The following PKNOX2 variants were observed in gnomAD, a reference collection of about 807,000 sequenced individuals.
The protein encoded by PKNOX2 is homeobox protein PKNOX2.
In PKNOX2, 14 loss-of-function variants were observed where a neutral mutation model predicts 53.1. The observed-to-expected ratio is 0.26, with a 90% CI of 0.17 to 0.41. PKNOX2 has a LOEUF of 0.41. PKNOX2 is among the 10% of genes least tolerant of loss of function. PKNOX2 has a pLI of 1.00. For synonymous variants in PKNOX2, 257 were observed against 242.8 expected (o/e 1.06, Z -0.54); for missense variants, 496 against 602.8 (o/e 0.82, Z 1.85).
intron 10 of PKNOX2, among the ~76,000 whole-genome samples, chr11:125,416,963 G>A (rs1393932246): frequency 6.6e-6 from 1 of 152,054 alleles, no homozygotes; most frequent in African/African-American, 2.4e-5. Flanking sequence ...TGAAATCCCA[G>A]AGCCTTTTTG....
intron 2 of PKNOX2, among the ~76,000 whole-genome samples, chr11:125,257,147 T>G (rs79360546): frequency 6.6e-6 from 1 of 152,194 alleles, no homozygotes; most frequent in East Asian, 1.9e-4. Flanking sequence ...AATTCCTGAT[T>G]TGGGGACTGT....
intron 1 of PKNOX2, among the ~76,000 whole-genome samples, chr11:125,207,986 AATG>A (rs1939346374): frequency 2.6e-5 from 4 of 152,136 alleles, no homozygotes; most frequent in Admixed American, 2.6e-4. Context: ...GGAATTCTGT[AATG>A]AATGTGTCTA....
At chr11:125,176,015 G>A (rs1162234210) in intron 1 of PKNOX2, among the ~76,000 whole-genome samples, 2 of 152,194 alleles carry the variant, frequency 1.3e-5, no homozygotes, top group Non-Finnish European at 2.9e-5. Flanking sequence ...ACAGCGTGAT[G>A]ACAGCCATGT....
intron 5 of PKNOX2, among the ~76,000 whole-genome samples, chr11:125,382,088 C>T (rs920462721): frequency 2.6e-5 from 4 of 152,220 alleles, no homozygotes; most frequent in African/African-American, 4.8e-5. Context: ...ACACAGAACA[C>T]ACCATCCCTG....
chr11:125,178,993 C>T (rs1955989893), intron 1 of PKNOX2, among the ~76,000 whole-genome samples: 1 of 152,098 alleles, frequency 6.6e-6, no homozygotes, highest in South Asian at 2.1e-4. Context: ...TCGGATGGCG[C>T]AGGTCCTTCC....
intron 7 of PKNOX2, 78 bp from the exon 8 acceptor site, chr11:125,410,117 AG>A (rs1459246483): frequency 3.9e-6 from 6 of 1,525,604 alleles, no homozygotes; most frequent in Non-Finnish European, 5.3e-6. Flanking sequence ...GGAAGGGGAA[AG>A]GACGGAAGAG....
chr11:125,300,166 TC>T (rs1231989240), intron 2 of PKNOX2, among the ~76,000 whole-genome samples: 1 of 152,182 alleles, frequency 6.6e-6, no homozygotes, highest in Non-Finnish European at 1.5e-5. Context: ...TGGAGTGGCT[TC>T]TTTGGAGAGT....
In PKNOX2 at chr11:125,385,643, T is replaced by G. The variant is rs1221054680; in HGVS notation, c.320T>G (p.Val107Gly). The G allele has an allele frequency of 6.2e-7, 1 of 1,614,068 alleles. No homozygotes were observed. The highest frequency in any genetic ancestry group is 8.5e-7 in the Non-Finnish European group (1 of 1,180,002). The change falls in exon 6 of 13, where the codon GTG (valine) becomes GGG (glycine). Residue 107 changes from valine to glycine, a missense_variant. Coordinates refer to ENST00000298282, the MANE Select transcript of PKNOX2 (RefSeq NM_001382323.2). ...TGCATCACCTCCGCCAGCTTTGATG[T>G]GGACATCGAGAACTTTGTCCACCAG... ...SECITSASFD[V>G]DIENFVHQQE... is the part of the protein sequence containing the mutation.
At chr11:125,265,477 G>A (rs553319511) in intron 2 of PKNOX2, among the ~76,000 whole-genome samples, 4 of 152,208 alleles carry the variant, frequency 2.6e-5, no homozygotes, top group South Asian at 2.1e-4. Flanking sequence ...GGATGCTCAC[G>A]CCAATTCCTG....
At position 125,419,668 on chromosome 11, in the gene PKNOX2, G is replaced by A. The variant is rs1956069906; in HGVS notation, c.936+7803G>A. ...AGCAATGACTATGAAAGGCTGTGAG[G>A]CCATCATTTACTCACAGATTAGTAC... On this transcript the variant is annotated intron_variant, in intron 10 of 12. Transcript: ENST00000298282. Among the ~76,000 whole-genome samples, 5 of 151,646 alleles carry A rather than the reference G, an allele frequency of 3.3e-5. 1 individual carries two copies. In the South Asian group the frequency reaches 1.0e-3, roughly 31 times the overall value.
chr11:125,408,407 C>A (rs981519620), intron 7 of PKNOX2, among the ~76,000 whole-genome samples: 1 of 152,234 alleles, frequency 6.6e-6, no homozygotes, highest in African/African-American at 2.4e-5. Context: ...CCTCTGTTCC[C>A]CAAGGTCACA....
intron 6 of PKNOX2, among the ~76,000 whole-genome samples, chr11:125,393,138 C>T (rs1310154357): frequency 2.2e-5 from 3 of 135,600 alleles, no homozygotes; most frequent in Non-Finnish European, 4.6e-5. Flanking sequence ...CCAGCCTGGG[C>T]GACAGAGCAA....
At chr11:125,295,502 G>A (rs1025078298) in intron 2 of PKNOX2, among the ~76,000 whole-genome samples, 3 of 152,262 alleles carry the variant, frequency 2.0e-5, no homozygotes, top group African/African-American at 7.2e-5. Context: ...CAGAGCCAGA[G>A]AGCAGAGTGA....
intron 1 of PKNOX2, among the ~76,000 whole-genome samples, chr11:125,227,367 A>C (rs1477026628): frequency 2.0e-5 from 3 of 151,906 alleles, no homozygotes; most frequent in Admixed American, 1.3e-4. Context: ...GTAAGCAACA[A>C]CTCCCCAGTC....
intron 2 of PKNOX2, among the ~76,000 whole-genome samples, chr11:125,303,138 C>T (rs1445013081): frequency 2.0e-5 from 3 of 152,204 alleles, no homozygotes; most frequent in Non-Finnish European, 4.4e-5. Flanking sequence ...TCTCCGTACC[C>T]TCCAAAACCT....
chr11:125,309,684 G>A (rs1037232140), intron 2 of PKNOX2, among the ~76,000 whole-genome samples: 7 of 152,130 alleles, frequency 4.6e-5, no homozygotes, highest in South Asian at 4.2e-4. Flanking sequence ...GACTGTGCCC[G>A]GCCTCTAACA....
At chr11:125,197,197 C>G (rs1479761849) in intron 1 of PKNOX2, among the ~76,000 whole-genome samples, 1 of 152,182 alleles carries the variant, frequency 6.6e-6, no homozygotes, top group Non-Finnish European at 1.5e-5. Context: ...AGTGATGACT[C>G]TCATGGATAC....
At chr11:125,403,523 A>G (rs1277834087) in intron 7 of PKNOX2, among the ~76,000 whole-genome samples, 1 of 152,198 alleles carries the variant, frequency 6.6e-6, no homozygotes, top group Non-Finnish European at 1.5e-5. Context: ...GACAGGCTGC[A>G]AGGTACACAT....
chr11:125,316,209 C>G (rs562453901), intron 2 of PKNOX2, among the ~76,000 whole-genome samples: 118 of 152,310 alleles, frequency 7.7e-4, no homozygotes, highest in African/African-American at 2.7e-3. Flanking sequence ...CTTTAGTGGT[C>G]GTCCATCCAC....
Sources: allele counts gnomAD v4.1 joint callset (sites outside exome capture counted in the v4.1 genomes callset), GRCh38; gene constraint gnomAD v4.1.1; transcripts MANE v1.5; gene names NCBI Gene and HGNC (gene_info 2026-07-23, HGNC 2026-07-21).